THADA: variants seen among roughly 807,000 people sequenced by gnomAD.
THADA encodes tRNA (32-2'-O)-methyltransferase regulator THADA.
THADA carries 213 observed loss-of-function variants against 219.8 expected under a neutral mutation model. The ratio of observed to expected loss-of-function variants is 0.97; its 90% confidence interval spans 0.87 to 1.09. The LOEUF (loss-of-function observed/expected upper bound fraction) is 1.09. THADA is among the 50% of genes least tolerant of loss of function. THADA has a pLI of 0.00. For missense variants in THADA, 2,956 were observed against 2,311.3 expected (o/e 1.28, Z -5.72); for synonymous variants, 1,018 against 828.9 (o/e 1.23, Z -3.92).
intron 22 of THADA, among the ~76,000 whole-genome samples, chr2:43,514,717 T>TATA (rs1691060141): frequency 1.2e-5 from 1 of 86,038 alleles, no homozygotes; most frequent in African/African-American, 5.2e-5. Flanking sequence ...TATATAAATA[T>TATA]ATATTATATA....
chr2:43,347,459 G>GGGTAT, intron 29 of THADA, among the ~76,000 whole-genome samples: 1 of 152,258 alleles, frequency 6.6e-6, no homozygotes, highest in East Asian at 1.9e-4. Flanking sequence ...ATCGAGGGAA[G>GGGTAT]GGTATGCAAG....
intron 26 of THADA, among the ~76,000 whole-genome samples, chr2:43,480,141 C>T (rs1573861739): frequency 6.6e-6 from 1 of 152,326 alleles, no homozygotes; most frequent in Admixed American, 6.5e-5. Flanking sequence ...TCTAGTTCTG[C>T]CACTTTCTGG....
At chr2:43,283,466 C>T (rs1260839926) in intron 35 of THADA, among the ~76,000 whole-genome samples, 1 of 152,202 alleles carries the variant, frequency 6.6e-6, no homozygotes, top group East Asian at 1.9e-4. Flanking sequence ...TTCCTATAGA[C>T]TTGTTGAATG....
intron 29 of THADA, among the ~76,000 whole-genome samples, chr2:43,361,502 C>T (rs1478865125): frequency 2.0e-5 from 3 of 152,248 alleles, no homozygotes; most frequent in Admixed American, 6.5e-5. Flanking sequence ...CTCCAGCCAT[C>T]TGGTTCTCCT....
chr2:43,580,894 A>C (rs1199383207), intron 8 of THADA, among the ~76,000 whole-genome samples: 5 of 151,536 alleles, frequency 3.3e-5, no homozygotes, highest in Admixed American at 2.6e-4. Context: ...AAAAAAAAAA[A>C]CCAAAAAACA....
chr2:43,466,560 T>C (rs1684263597), intron 26 of THADA, among the ~76,000 whole-genome samples: 1 of 152,148 alleles, frequency 6.6e-6, no homozygotes, highest in Non-Finnish European at 1.5e-5. Context: ...GGGCAAAGAC[T>C]TTGACTTATT....
chr2:43,559,458 C>G (rs1697795360), intron 16 of THADA, among the ~76,000 whole-genome samples: 1 of 152,176 alleles, frequency 6.6e-6, no homozygotes, highest in Non-Finnish European at 1.5e-5. Flanking sequence ...ACAGCCTAGA[C>G]CATGGCTCAG....
chr2:43,321,514 G>C (rs1217025143), intron 30 of THADA, among the ~76,000 whole-genome samples: 1 of 152,216 alleles, frequency 6.6e-6, no homozygotes, highest in Non-Finnish European at 1.5e-5. Flanking sequence ...ATGAATGAAT[G>C]AATGTTGTTA....
chr2:43,487,711 C>G (rs947199078), intron 25 of THADA, among the ~76,000 whole-genome samples: 8 of 152,108 alleles, frequency 5.3e-5, no homozygotes. Flanking sequence ...ATAAAAGAGG[C>G]CCCAGTGAGC....
rs143040018 is a variant in THADA, at chr2:43,397,818, G to A, written c.4227+153C>T. 2.2e-3 allele frequency among the ~76,000 whole-genome samples: 338 copies of A among 152,228 alleles called. 1 individual carries two copies. The highest frequency in any genetic ancestry group is 7.9e-3 in the African/African-American group (326 of 41,514). On this transcript the variant is annotated intron_variant, in intron 29 of 37. Transcript: ENST00000405975. ...ATTTGGGATGAAAAAAGTATAACTA[G>A]GAGATACCTGATCTTTCGGAAGTAG...
At chr2:43,352,558 AAAT>A (rs1207615148) in intron 29 of THADA, among the ~76,000 whole-genome samples, 1 of 152,046 alleles carries the variant, frequency 6.6e-6, no homozygotes, top group Non-Finnish European at 1.5e-5. Context: ...ACTAAAAAAA[AAAT>A]AATAATAATA....
chr2:43,282,118 T>C (rs2104321505), intron 35 of THADA, among the ~76,000 whole-genome samples: 1 of 152,324 alleles, frequency 6.6e-6, no homozygotes, highest in Middle Eastern at 3.4e-3. Context: ...GAATTCCAGG[T>C]TATTCCACAC....
chr2:43,504,103 G>T (rs1689357788), intron 24 of THADA, among the ~76,000 whole-genome samples: 1 of 151,744 alleles, frequency 6.6e-6, no homozygotes, highest in Admixed American at 6.6e-5. Flanking sequence ...AAACACTTCT[G>T]GTCCCCAGCA....
At chr2:43,555,607 T>TA (rs1181174038) in intron 17 of THADA, among the ~76,000 whole-genome samples, 1 of 152,144 alleles carries the variant, frequency 6.6e-6, no homozygotes, top group Admixed American at 6.6e-5. Context: ...GCAAGCATCA[T>TA]CCTCCATGGT....
rs933213785 is a variant in THADA at position 43,341,158 on chromosome 2, T to C, written c.4343+2964A>G. ...GTGTGCTGGGGAGCAAAAGGAAGCC[T>C]GGTGTTAGGAACCATTTACAGACCA... On this transcript the variant is annotated intron_variant, in intron 30 of 37. Coordinates refer to ENST00000405975, the MANE Select transcript of THADA (RefSeq NM_022065.5). Among the ~76,000 whole-genome samples, 13 of 152,206 alleles carry C rather than the reference T, an allele frequency of 8.5e-5. 1 individual carries two copies. Among genetic ancestry groups the C allele is most frequent in the Admixed American group, 6.5e-4 (10 of 15,280 alleles).
chr2:43,511,245 G>C (rs1020807672), intron 22 of THADA, among the ~76,000 whole-genome samples: 5 of 152,156 alleles, frequency 3.3e-5, no homozygotes, highest in Non-Finnish European at 7.4e-5. Context: ...CAGGACATGA[G>C]AGGTACTTTC....
At chr2:43,478,158 G>A (rs1361587575) in intron 26 of THADA, among the ~76,000 whole-genome samples, 1 of 152,124 alleles carries the variant, frequency 6.6e-6, no homozygotes, top group Non-Finnish European at 1.5e-5. Flanking sequence ...ATACCAGGAT[G>A]CCAAGGTCCA....
chr2:43,284,024 C>G (rs1452638292), intron 35 of THADA, among the ~76,000 whole-genome samples: 1 of 152,174 alleles, frequency 6.6e-6, no homozygotes, highest in African/African-American at 2.4e-5. Context: ...ACTAAAAGTA[C>G]AAAAATTAGC....
chr2:43,296,896 C>T (rs1675466096), intron 31 of THADA, among the ~76,000 whole-genome samples: 1 of 151,084 alleles, frequency 6.6e-6, no homozygotes, highest in South Asian at 2.1e-4. Context: ...GGCCCGAGGG[C>T]AAGGAGCAGC....
Sources: allele counts gnomAD v4.1 joint callset (sites outside exome capture counted in the v4.1 genomes callset), GRCh38; gene constraint gnomAD v4.1.1; transcripts MANE v1.5; gene names NCBI Gene and HGNC (gene_info 2026-07-23, HGNC 2026-07-21).